The following PCSK6 variants were observed in gnomAD, a reference collection of about 807,000 sequenced individuals.
The protein encoded by PCSK6 is proprotein convertase subtilisin/kexin type 6.
A neutral mutation model predicts 123.3 loss-of-function variants in PCSK6; 85 were observed. That is an observed-to-expected ratio of 0.69 (90% CI 0.58 to 0.83). PCSK6 has a LOEUF of 0.83. PCSK6 is among the 40% of genes least tolerant of loss of function. The probability of loss-of-function intolerance (pLI) is 0.00; values close to 1 mark genes in which losing one functional copy is unlikely to be tolerated. For missense variants in PCSK6, 1,191 were observed against 1,282.3 expected (o/e 0.93, Z 1.09); for synonymous variants, 508 against 516.0 (o/e 0.98, Z 0.21).
intron 11 of PCSK6, among the ~76,000 whole-genome samples, chr15:101,380,094 C>G (rs188271951): frequency 6.6e-6 from 1 of 152,308 alleles, no homozygotes; most frequent in Non-Finnish European, 1.5e-5. Flanking sequence ...AAACAGAAGT[C>G]TGATTCTTCT....
rs578091577 is a variant in PCSK6 at position 101,412,920 on chromosome 15, C to G, written c.824-14344G>C. On this transcript the variant is annotated intron_variant, in intron 6 of 21. Coordinates refer to ENST00000611716, the MANE Select transcript of PCSK6 (RefSeq NM_002570.5). ...GGAGGATTGCTTGTGCCCAGGAGTT[C>G]GAGGTTACAGTGAGCTATGACTGCC... Among the ~76,000 whole-genome samples the G allele has an allele frequency of 1.0e-3, 155 of 150,954 alleles. 1 individual carries two copies. Among genetic ancestry groups the G allele is most frequent in the Non-Finnish European group, 2.0e-3 (136 of 67,618 alleles).
At chr15:101,309,390 G>T (rs932716584) in intron 20 of PCSK6, among the ~76,000 whole-genome samples, 2 of 152,210 alleles carry the variant, frequency 1.3e-5, no homozygotes, top group Admixed American at 6.5e-5. Context: ...GGTCCTCGTG[G>T]GCAGCACCAG....
At chr15:101,392,419 A>C (rs2042258568) in intron 8 of PCSK6, among the ~76,000 whole-genome samples, 1 of 152,198 alleles carries the variant, frequency 6.6e-6, no homozygotes, top group African/African-American at 2.4e-5. Flanking sequence ...AAATTTGCAA[A>C]TAACTTCGAA....
intron 2 of PCSK6, among the ~76,000 whole-genome samples, chr15:101,438,983 G>A (rs1012907569): frequency 5.9e-5 from 9 of 152,232 alleles, no homozygotes; most frequent in Admixed American, 1.3e-4. Flanking sequence ...ACCCGAGGAG[G>A]ATCTTAAAGG....
At chr15:101,399,407 T>G (rs964028052) in intron 6 of PCSK6, among the ~76,000 whole-genome samples, 3 of 152,198 alleles carry the variant, frequency 2.0e-5, no homozygotes, top group Non-Finnish European at 1.5e-5. Flanking sequence ...GCTGGCCAGC[T>G]CATCTCCATT....
At chr15:101,354,586 G>A (rs1054328860) in intron 13 of PCSK6, among the ~76,000 whole-genome samples, 2 of 152,250 alleles carry the variant, frequency 1.3e-5, no homozygotes, top group East Asian at 1.9e-4. Flanking sequence ...CTTGTGCCAT[G>A]TAAATCTCTC....
chr15:101,307,659 A>C (rs2039756855), intron 20 of PCSK6: 1 of 274,008 alleles, frequency 3.6e-6, no homozygotes, highest in Non-Finnish European at 7.2e-6. Context: ...ACCCCACCAC[A>C]CGGCTCCCAG....
chr15:101,395,325 T>C (rs1191622129), intron 7 of PCSK6, among the ~76,000 whole-genome samples: 1 of 152,198 alleles, frequency 6.6e-6, no homozygotes, highest in Non-Finnish European at 1.5e-5. Flanking sequence ...AGGGTGGGCC[T>C]GAGAGTGTGC....
In PCSK6 at chr15:101,443,625, G is replaced by A. The variant is rs953001872; in HGVS notation, c.333C>T (p.His111=). The A allele has an allele frequency of 6.2e-7, 1 of 1,613,874 alleles. No homozygotes were observed. Among genetic ancestry groups the A allele is most frequent in the Non-Finnish European group, 8.5e-7 (1 of 1,179,776 alleles). The change falls in exon 2 of 22, where the codon CAC becomes CAT. Residue 111 remains histidine, a synonymous_variant. Coordinates refer to ENST00000611716, the MANE Select transcript of PCSK6 (RefSeq NM_002570.5). The part of the protein sequence containing the change: ...GNLEDYYHFY[H]SKTFKRSTLS... Reference sequence around the variant, plus strand: ...AGGTTGATCTTTTAAAGGTTTTGCTGTGATAAAAATGGTAGTAATCTTCCA... The same window carrying A: ...AGGTTGATCTTTTAAAGGTTTTGCTATGATAAAAATGGTAGTAATCTTCCA...
intron 1 of PCSK6, among the ~76,000 whole-genome samples, chr15:101,454,904 C>T (rs980523101): frequency 1.3e-5 from 2 of 151,830 alleles, no homozygotes; most frequent in African/African-American, 2.4e-5. Flanking sequence ...AAGATCACAC[C>T]ACTGCAGTCC....
intron 6 of PCSK6, among the ~76,000 whole-genome samples, chr15:101,406,530 T>G (rs1376987069): frequency 6.6e-6 from 1 of 152,228 alleles, no homozygotes; most frequent in African/African-American, 2.4e-5. Context: ...AGTAAAACTA[T>G]AGCACATTCT....
intron 13 of PCSK6, among the ~76,000 whole-genome samples, chr15:101,333,294 C>T (rs1237288204): frequency 6.6e-6 from 1 of 152,230 alleles, no homozygotes; most frequent in Non-Finnish European, 1.5e-5. Flanking sequence ...TCCCGGACGC[C>T]CCAGCCTTTC....
intron 1 of PCSK6, among the ~76,000 whole-genome samples, chr15:101,449,639 G>T (rs2056981951): frequency 6.6e-6 from 1 of 152,204 alleles, no homozygotes; most frequent in South Asian, 2.1e-4. Context: ...TGAGTAGCTT[G>T]AGCAACCCCA....
chr15:101,338,560 C>A (rs1596200057), intron 13 of PCSK6, among the ~76,000 whole-genome samples: 1 of 152,204 alleles, frequency 6.6e-6, no homozygotes, highest in South Asian at 2.1e-4. Context: ...GAACTGCCAC[C>A]CAGAGGCAGT....
chr15:101,365,131 T>C (rs1009670894), intron 13 of PCSK6: 3 of 581,272 alleles, frequency 5.2e-6, no homozygotes, highest in Non-Finnish European at 9.7e-6. Context: ...CCTCACACCA[T>C]ATACAAAAAT....
intron 13 of PCSK6, among the ~76,000 whole-genome samples, chr15:101,353,202 T>C (rs1011160196): frequency 1.3e-5 from 2 of 151,850 alleles, no homozygotes; most frequent in Non-Finnish European, 2.9e-5. Context: ...CTGGGGGTGA[T>C]GGGAGACAGT....
At chr15:101,477,897 T>C (rs2057772111) in intron 1 of PCSK6, among the ~76,000 whole-genome samples, 1 of 152,212 alleles carries the variant, frequency 6.6e-6, no homozygotes, top group African/African-American at 2.4e-5. Context: ...GTTGCCTTCA[T>C]TCCTGCATAG....
At position 101,329,719 on chromosome 15, in the gene PCSK6, A is replaced by C. The variant is rs181659031; in HGVS notation, c.2077+1932T>G. Among the ~76,000 whole-genome samples the C allele has an allele frequency of 7.2e-5, 11 of 152,326 alleles. No individual in the cohort carries two copies. In the East Asian group the frequency reaches 1.9e-3, roughly 27 times the overall value. On this transcript the variant is annotated intron_variant, in intron 15 of 21. Transcript: ENST00000611716. Reference sequence around the variant, plus strand: ...CCCTTGCAGTCCTGTGTGGATGACCACAGTGTCCTGAGCTGATCTCAGCCC... The same window carrying C: ...CCCTTGCAGTCCTGTGTGGATGACCCCAGTGTCCTGAGCTGATCTCAGCCC...
At chr15:101,380,922 C>T (rs566237675) in intron 11 of PCSK6, among the ~76,000 whole-genome samples, 10 of 152,192 alleles carry the variant, frequency 6.6e-5, no homozygotes, top group Non-Finnish European at 1.2e-4. Flanking sequence ...AAACACACTC[C>T]GTTCTGTATC....
Sources: gnomAD v4.1 joint callset for allele counts (sites outside exome capture counted in the v4.1 genomes callset) on GRCh38, gnomAD v4.1.1 for gene constraint, MANE v1.5 for transcripts, NCBI Gene and HGNC (gene_info 2026-07-23, HGNC 2026-07-21) for gene names.